The following CNTNAP2 variants were observed in gnomAD, a reference collection of about 807,000 sequenced individuals.
The protein encoded by CNTNAP2 is contactin associated protein 2.
CNTNAP2 carries 98 observed loss-of-function variants against 155.2 expected under a neutral mutation model. The observed-to-expected ratio is 0.63, with a 90% confidence interval of 0.54 to 0.75. The LOEUF is 0.75. Among genes scored for constraint, CNTNAP2 ranks in the 30% least tolerant of loss-of-function variants. The pLI is 0.00. For missense variants in CNTNAP2, 1,727 were observed against 1,688.1 expected, an observed-to-expected ratio of 1.02 and a Z score of -0.40; for synonymous variants, 651 against 631.2, an observed-to-expected ratio of 1.03 and a Z score of -0.47.
chr7:146,216,354 A>C (rs1799112954), intron 1 of CNTNAP2, among the ~76,000 whole-genome samples: 1 of 152,212 alleles, frequency 6.6e-6, no homozygotes, highest in African/African-American at 2.4e-5. Context: ...ATTTTAAAAA[A>C]CAGATATATT....
intron 15 of CNTNAP2, among the ~76,000 whole-genome samples, chr7:148,065,184 TTAC>T (rs1412745050): frequency 6.6e-6 from 1 of 152,208 alleles, no homozygotes; most frequent in Admixed American, 6.5e-5. Context: ...TTTCTTAAAC[TTAC>T]TGAGACTTGT....
intron 1 of CNTNAP2, among the ~76,000 whole-genome samples, chr7:146,121,119 C>CTTTTTTTTTTTTTTTTTTTTTTTTTTT (rs745449281): frequency 1.5e-5 from 1 of 65,762 alleles, no homozygotes; most frequent in South Asian, 8.0e-4. Context: ...ATAAAGCTTC[C>CTTTTTTTTTTTTTTTTTTTTTTTTTTT]TTTTTTTTTT....
At chr7:147,219,386 C>T (rs1347162298) in intron 8 of CNTNAP2, among the ~76,000 whole-genome samples, 2 of 152,124 alleles carry the variant, frequency 1.3e-5, no homozygotes, top group Non-Finnish European at 2.9e-5. Context: ...TAGCAGAAGA[C>T]CCAAGAGCCC....
At chr7:148,378,240 A>G (rs181158474) in intron 21 of CNTNAP2, among the ~76,000 whole-genome samples, 796 of 67,962 alleles carry the variant, frequency 0.012, 268 homozygotes, top group African/African-American at 0.028. Context: ...ATCCGAAGAG[A>G]GCAGGAACAC....
chr7:147,622,853 G>A (rs1033343331), intron 12 of CNTNAP2, among the ~76,000 whole-genome samples: 2 of 151,832 alleles, frequency 1.3e-5, no homozygotes, highest in African/African-American at 4.8e-5. Flanking sequence ...TTATTGAAAA[G>A]TTAAACACAG....
chr7:147,195,518 A>G (rs913943571), intron 8 of CNTNAP2, among the ~76,000 whole-genome samples: 2 of 152,102 alleles, frequency 1.3e-5, no homozygotes, highest in Non-Finnish European at 1.5e-5. Context: ...TTTGGGCAGT[A>G]TGGCTAATTT....
At chr7:146,371,439 G>A (rs935415620) in intron 1 of CNTNAP2, among the ~76,000 whole-genome samples, 4 of 131,226 alleles carry the variant, frequency 3.0e-5, no homozygotes, top group Admixed American at 9.6e-5. Context: ...CATGATCTCC[G>A]CTCACTGCAA....
chr7:146,991,146 T>A (rs1798201224), intron 3 of CNTNAP2, among the ~76,000 whole-genome samples: 1 of 151,958 alleles, frequency 6.6e-6, no homozygotes, highest in Admixed American at 6.6e-5. Context: ...AAAGAAAAAA[T>A]TAGATCTAGC....
At chr7:148,281,835 C>CGT (rs1796977685) in intron 21 of CNTNAP2, among the ~76,000 whole-genome samples, 1 of 123,464 alleles carries the variant, frequency 8.1e-6, no homozygotes, top group South Asian at 2.7e-4. Context: ...ACAACGTTTC[C>CGT]TTTTTTTTTT....
Position 147,402,387 on chromosome 7 carries a change from C to A in CNTNAP2, c.1670+6607C>A, listed in dbSNP as rs557315285. ...CTGTCCCTGCCACCCACTGTCATGA[C>A]AACTGCTCCTTCTGGCCTTCAGATA... On this transcript the variant is annotated intron_variant, in intron 10 of 23. Transcript: ENST00000361727. Among the ~76,000 whole-genome samples the A allele has an allele frequency of 1.8e-3, 275 of 152,310 alleles. 2 individuals carry two copies. The highest frequency in any genetic ancestry group is 6.2e-3 in the African/African-American group (256 of 41,570).
chr7:147,525,491 G>T (rs931926833), intron 11 of CNTNAP2, among the ~76,000 whole-genome samples: 2 of 152,210 alleles, frequency 1.3e-5, no homozygotes, highest in Non-Finnish European at 2.9e-5. Context: ...TGTGAAAGAA[G>T]TGAGATACCA....
At chr7:147,662,328 T>A (rs190806949) in intron 13 of CNTNAP2, among the ~76,000 whole-genome samples, 12 of 152,186 alleles carry the variant, frequency 7.9e-5, no homozygotes, top group Admixed American at 7.9e-4. Context: ...TAGACTATGA[T>A]GGGATGGCAC....
chr7:147,049,543 G>GA (rs11374424), intron 4 of CNTNAP2, among the ~76,000 whole-genome samples: 92,814 of 151,840 alleles, frequency 0.61, 31,156 homozygotes, highest in African/African-American at 0.9. Context: ...TTTGAGTGGG[G>GA]AATGTAGATT....
At chr7:146,690,505 C>T (rs1251862409) in intron 1 of CNTNAP2, among the ~76,000 whole-genome samples, 1 of 152,014 alleles carries the variant, frequency 6.6e-6, no homozygotes, top group African/African-American at 2.4e-5. Context: ...TTTTGTTTCT[C>T]CAGATTAAAG....
chr7:147,996,420 G>A (rs990697472), intron 15 of CNTNAP2, among the ~76,000 whole-genome samples: 15 of 152,192 alleles, frequency 9.9e-5, no homozygotes, highest in Admixed American at 9.8e-4. Context: ...TTCTGACAGG[G>A]AAAGTGTAGA....
At chr7:148,087,804 G>C (rs1212298524) in intron 15 of CNTNAP2, among the ~76,000 whole-genome samples, 1 of 152,024 alleles carries the variant, frequency 6.6e-6, no homozygotes, top group Non-Finnish European at 1.5e-5. Context: ...GAGAGTTGAT[G>C]GTAAGTAAAA....
chr7:147,626,141 A>G (rs1440495238), intron 12 of CNTNAP2, among the ~76,000 whole-genome samples: 1 of 152,054 alleles, frequency 6.6e-6, no homozygotes, highest in African/African-American at 2.4e-5. Context: ...AGTTGTTTCA[A>G]CTGGGCACAA....
rs201985369 is a variant in CNTNAP2 at position 147,111,132 on chromosome 7, TAG to T, written c.754+2786_754+2787del. Among the ~76,000 whole-genome samples, 1,264 of 152,318 alleles carry T rather than the reference TAG, an allele frequency of 8.3e-3. 21 individuals are homozygous for T. The highest frequency in any genetic ancestry group is 0.029 in the African/African-American group (1,205 of 41,586). On this transcript the variant is annotated intron_variant, in intron 5 of 23. Transcript: ENST00000361727. ...TGCATTTCTCTAATGATCAGTGATG[TAG>T]AGATTTTTTTTCATGTTTGTTGGCC...
At chr7:148,364,416 C>T (rs902312743) in intron 21 of CNTNAP2, among the ~76,000 whole-genome samples, 11 of 152,084 alleles carry the variant, frequency 7.2e-5, no homozygotes, top group African/African-American at 2.2e-4. Flanking sequence ...GTGCACCAAT[C>T]GACACTCTGT....
Sources: gnomAD v4.1 joint callset for allele counts (sites outside exome capture counted in the v4.1 genomes callset) on GRCh38, gnomAD v4.1.1 for gene constraint, MANE v1.5 for transcripts, NCBI Gene and HGNC (gene_info 2026-07-23, HGNC 2026-07-21) for gene names.